Variants in MCTP1 observed in about 807,000 individuals in gnomAD.
MCTP1 encodes the protein multiple C2 and transmembrane domain-containing protein 1.
In MCTP1, 69 loss-of-function variants were observed where a neutral mutation model predicts 120.6. The ratio of observed to expected loss-of-function variants is 0.57; its 90% confidence interval spans 0.47 to 0.70. The LOEUF is 0.70. Among genes scored for constraint, MCTP1 ranks in the 30% least tolerant of loss-of-function variants. The pLI is 0.00. For synonymous variants in MCTP1, 529 were observed against 493.1 expected, an observed-to-expected ratio of 1.07 and a Z score of -0.96; for missense variants, 1,203 against 1,248.8, an observed-to-expected ratio of 0.96 and a Z score of 0.55.
At chr5:95,182,050 T>TA (rs1309071081) in intron 1 of MCTP1, among the ~76,000 whole-genome samples, 7 of 152,010 alleles carry the variant, frequency 4.6e-5, no homozygotes, top group Non-Finnish European at 8.8e-5. Context: ...AAAATAAAAA[T>TA]AAAATGTAAA....
intron 10 of MCTP1, among the ~76,000 whole-genome samples, chr5:94,907,641 A>T (rs1178870624): frequency 1.3e-5 from 2 of 152,144 alleles, no homozygotes; most frequent in African/African-American, 4.8e-5. Flanking sequence ...TCTGTCAACC[A>T]TGTCTGCCCT....
chr5:95,021,297 T>C (rs1581880519), intron 1 of MCTP1, among the ~76,000 whole-genome samples: 1 of 152,040 alleles, frequency 6.6e-6, no homozygotes, highest in African/African-American at 2.4e-5. Flanking sequence ...TAAAAACAAA[T>C]AGTGCTTGGC....
chr5:95,159,099 C>T (rs557603914), intron 1 of MCTP1, among the ~76,000 whole-genome samples: 91 of 152,180 alleles, frequency 6.0e-4, no homozygotes, highest in African/African-American at 2.0e-3. Flanking sequence ...AAAATGACAT[C>T]ACGTCTAAAA....
At chr5:95,208,926 C>T (rs77337862) in intron 1 of MCTP1, among the ~76,000 whole-genome samples, 206 of 152,246 alleles carry the variant, frequency 1.4e-3, no homozygotes, top group African/African-American at 4.9e-3. Flanking sequence ...TTCCTTCCTT[C>T]TTTAATCTGT....
At chr5:95,264,714 G>A (rs1266599837) in intron 1 of MCTP1, among the ~76,000 whole-genome samples, 1 of 152,204 alleles carries the variant, frequency 6.6e-6, no homozygotes, top group Non-Finnish European at 1.5e-5. Context: ...TGGACAGAGT[G>A]AGGGTCCAAA....
chr5:94,801,892 A>G (rs1473808304), intron 17 of MCTP1, among the ~76,000 whole-genome samples: 1 of 152,208 alleles, frequency 6.6e-6, no homozygotes, highest in Non-Finnish European at 1.5e-5. Flanking sequence ...TATGGTTTCT[A>G]GGCACTTCCC....
chr5:94,821,970 A>T (rs1785765314), intron 17 of MCTP1, among the ~76,000 whole-genome samples: 1 of 152,220 alleles, frequency 6.6e-6, no homozygotes. Context: ...GATGAGTAGC[A>T]TGTGGCTCAA....
Position 95,099,567 on chromosome 5 carries a change from A to T in MCTP1, c.721-82083T>A, listed in dbSNP as rs1423982785. On this transcript the variant is annotated intron_variant, in intron 1 of 22. Coordinates refer to ENST00000515393, the MANE Select transcript of MCTP1 (RefSeq NM_024717.7). ...TCAGAGAAATACAAATCAAAACCAC[A>T]ATGAGATATCATCTCACACCAGTTA... Among the ~76,000 whole-genome samples, 587 of 150,870 alleles carry T rather than the reference A, an allele frequency of 3.9e-3. 7 individuals are homozygous for T. The highest frequency in any genetic ancestry group is 0.014 in the African/African-American group (561 of 41,116).
At chr5:95,061,290 A>C (rs2152103521) in intron 1 of MCTP1, among the ~76,000 whole-genome samples, 1 of 152,064 alleles carries the variant, frequency 6.6e-6, no homozygotes, top group South Asian at 2.1e-4. Context: ...TAATTGAAAA[A>C]GGAGTTATTA....
intron 12 of MCTP1, among the ~76,000 whole-genome samples, chr5:94,881,441 C>T (rs1800058550): frequency 6.6e-6 from 1 of 152,092 alleles, no homozygotes; most frequent in African/African-American, 2.4e-5. Flanking sequence ...GCCATTAACC[C>T]TCCTTGCTAG....
At chr5:94,818,919 G>A (rs1332389759) in intron 17 of MCTP1, among the ~76,000 whole-genome samples, 2 of 152,136 alleles carry the variant, frequency 1.3e-5, no homozygotes, top group Non-Finnish European at 2.9e-5. Context: ...GGGAGGAACT[G>A]AATTTGACTG....
chr5:95,266,382 G>A (rs1758885803), intron 1 of MCTP1, among the ~76,000 whole-genome samples: 1 of 152,230 alleles, frequency 6.6e-6, no homozygotes. Context: ...GAGGAAGAAT[G>A]CACAATTCTG....
At chr5:95,014,408 G>C (rs1378936090) in intron 2 of MCTP1, among the ~76,000 whole-genome samples, 2 of 152,116 alleles carry the variant, frequency 1.3e-5, no homozygotes, top group African/African-American at 4.8e-5. Context: ...AGTAACTGTA[G>C]ATGTGGTGAA....
At chr5:95,084,808 A>G (rs1249035337) in intron 1 of MCTP1, among the ~76,000 whole-genome samples, 2 of 152,160 alleles carry the variant, frequency 1.3e-5, no homozygotes, top group Non-Finnish European at 2.9e-5. Context: ...CTAGTCTTCA[A>G]AATCTTCACA....
chr5:95,013,091 T>G (rs1446026233), intron 2 of MCTP1, among the ~76,000 whole-genome samples: 1 of 152,118 alleles, frequency 6.6e-6, no homozygotes, highest in Non-Finnish European at 1.5e-5. Flanking sequence ...ACTGCTGATA[T>G]AGAGAAAGTG....
chr5:94,849,476 T>TC (rs142750662), intron 17 of MCTP1, among the ~76,000 whole-genome samples: 2,357 of 152,198 alleles, frequency 0.015, 42 homozygotes, highest in Non-Finnish European at 0.021. Context: ...CTCCTATTCA[T>TC]CCTCTAGGGC....
At chr5:94,722,277 A>G (rs1358151012) in intron 19 of MCTP1, among the ~76,000 whole-genome samples, 1 of 152,186 alleles carries the variant, frequency 6.6e-6, no homozygotes, top group Non-Finnish European at 1.5e-5. Context: ...AAATGGGAAC[A>G]TGAAGCCAAA....
In MCTP1 at chr5:95,032,515, G is replaced by C. The variant is rs1353833365; in HGVS notation, c.721-15031C>G. Among the ~76,000 whole-genome samples, 13 of 151,924 alleles carry C rather than the reference G, an allele frequency of 8.6e-5. No individual in the cohort carries two copies. The East Asian group carries it at 2.3e-3, about 27-fold the overall frequency. On this transcript the variant is annotated intron_variant, in intron 1 of 22. Transcript: ENST00000515393. ...TTGGGTAAACAACAAAGTTAAGATGGAAATAAAAAAAATTTTTGACACAAA... is the reference window on the plus strand; with the variant it reads ...TTGGGTAAACAACAAAGTTAAGATGCAAATAAAAAAAATTTTTGACACAAA...
chr5:94,972,275 T>C (rs1435361050), intron 2 of MCTP1, among the ~76,000 whole-genome samples: 2 of 151,984 alleles, frequency 1.3e-5, no homozygotes, highest in African/African-American at 4.8e-5. Flanking sequence ...CAAACAGGAG[T>C]AAATTTTTAT....
Sources: allele counts gnomAD v4.1 joint callset (sites outside exome capture counted in the v4.1 genomes callset), GRCh38; gene constraint gnomAD v4.1.1; transcripts MANE v1.5; gene names NCBI Gene and HGNC (gene_info 2026-07-23, HGNC 2026-07-21).